TIGAR: variants seen among roughly 807,000 people sequenced by gnomAD.
TIGAR encodes the protein TP53 induced glycolysis regulatory phosphatase.
TIGAR carries 7 observed loss-of-function variants against 17.9 expected under a neutral mutation model. The observed-to-expected ratio is 0.39, with a 90% CI of 0.22 to 0.73. The LOEUF (loss-of-function observed/expected upper bound fraction) is 0.73, where lower values mean the gene tolerates loss of function less well. Ranked by LOEUF, TIGAR falls within the 30% of genes least tolerant of loss-of-function variation. The pLI, the probability that TIGAR is intolerant of heterozygous loss-of-function variation, is 0.42. For missense variants in TIGAR, 258 were observed against 327.4 expected (o/e 0.79, Z 1.64); for synonymous variants, 94 against 108.6 (o/e 0.87, Z 0.84).
Position 4,352,602 on chromosome 12 carries a change from T to C in TIGAR, c.724T>C (p.Phe242Leu). 1 of 1,612,536 alleles carries C rather than the reference T, an allele frequency of 6.2e-7. No homozygotes were observed. ...AGGGATGAGTCTCTTTATCATAAAC[T>C]TTGAGGAAGGAAGAGAAGTTAAACC... is the stretch of plus-strand genomic sequence containing the variant. ...NTGMSLFIIN[F>L]EEGREVKPTV... Residue 242 changes from phenylalanine to leucine, a missense_variant, in exon 6 of 6, where the codon TTT (phenylalanine) becomes CTT (leucine). By Grantham distance (22) the Phe-to-Leu change is conservative (BLOSUM62 0). Transcript: ENST00000179259.
At chr12:4,331,242 A>G in intron 1 of TIGAR, 38 bp from the exon 2 acceptor site, 5 of 1,569,338 alleles carry the variant, frequency 3.2e-6, no homozygotes, top group Non-Finnish European at 4.4e-6. Flanking sequence ...AAACAGTATA[A>G]TTTGGCTAAT....
At chr12:4,323,883 T>C (rs756862265) in intron 1 of TIGAR, among the ~76,000 whole-genome samples, 11 of 152,236 alleles carry the variant, frequency 7.2e-5, no homozygotes, top group Admixed American at 2.0e-4. Context: ...ACCTGGTGAT[T>C]CTTTCAGGAA....
rs766086479 is a variant in TIGAR, at chr12:4,357,011, TTTAG to T, written c.*4325_*4328del. ...TATTGCTTTTTAACTAAAAACCTGT[TTTAG>T]TTAGCATCTTTATTCTAATTTCTTT... On this transcript the variant is annotated 3_prime_UTR_variant, in exon 6 of 6. Transcript: ENST00000179259. Among the ~76,000 whole-genome samples the T allele has an allele frequency of 1.3e-5, 2 of 152,218 alleles. No homozygotes were observed. The highest frequency in any genetic ancestry group is 2.9e-5 in the Non-Finnish European group (2 of 68,032).
rs1247235828 is a variant in TIGAR, at chr12:4,359,106, T to TG, written c.*6416dup. On this transcript the variant is annotated 3_prime_UTR_variant, in exon 6 of 6. Transcript: ENST00000179259. ...GCCTTTATTGTTTATTTTCTGACTC[T>TG]GTTTTTTTTTTCTTTAGCCAACTCA... Among the ~76,000 whole-genome samples the TG allele has an allele frequency of 0.016, 115 of 7,006 alleles. No individual in the cohort carries two copies. Among genetic ancestry groups the TG allele is most frequent in the Middle Eastern group, 0.1 (1 of 10 alleles). 4.6% of individuals were successfully genotyped at this position (7,006 alleles called of 152,430 possible). A position where few individuals can be genotyped will look rare whatever the true frequency, so the allele number is the denominator to read the frequency against.
chr12:4,327,493 C>T (rs983806116), intron 1 of TIGAR, among the ~76,000 whole-genome samples: 1 of 151,802 alleles, frequency 6.6e-6, no homozygotes, highest in Non-Finnish European at 1.5e-5. Flanking sequence ...CTTATTAGGA[C>T]ATGTCTGAGC....
chr12:4,336,308 C>G (rs1431462148), intron 2 of TIGAR, among the ~76,000 whole-genome samples: 1 of 152,166 alleles, frequency 6.6e-6, no homozygotes, highest in African/African-American at 2.4e-5. Flanking sequence ...CCTCCTCTCC[C>G]AGCCCCACCA....
In TIGAR at chr12:4,351,393, G is replaced by A. The variant is rs1177846673; in HGVS notation, c.381+16G>A. 5.6e-6 allele frequency: 9 copies of A among 1,602,998 alleles called. No homozygotes were observed. The highest frequency in any genetic ancestry group is 7.7e-6 in the Non-Finnish European group (9 of 1,170,586). ...GCTGGACCAGGTATGTGGCGCTGCC[G>A]ATGTCAGAATGGTTGAATTAAGACT... On this transcript the variant is annotated intron_variant, in intron 5 of 5. Transcript: ENST00000179259.
intron 2 of TIGAR, among the ~76,000 whole-genome samples, chr12:4,336,132 T>G (rs2120664794): frequency 6.6e-6 from 1 of 152,374 alleles, no homozygotes; most frequent in Non-Finnish European, 1.5e-5. Context: ...TTATTTGTTC[T>G]AAATTAGTGG....
In TIGAR at chr12:4,359,999, AT is replaced by A. The variant is rs1180302370; in HGVS notation, c.*7309del. On this transcript the variant is annotated 3_prime_UTR_variant, in exon 6 of 6. Coordinates refer to ENST00000179259, the MANE Select transcript of TIGAR (RefSeq NM_020375.3). ...TCATTCATACAGCTTTCTTTGTGAA[AT>A]GTGTATTAAAATCTTATCCATTAAA... 6.6e-6 allele frequency among the ~76,000 whole-genome samples: 1 copy of A among 152,130 alleles called. No individual in the cohort carries two copies. The highest frequency in any genetic ancestry group is 2.4e-5 in the African/African-American group (1 of 41,420).
At chr12:4,349,927 C>T in intron 4 of TIGAR, 31 bp downstream of exon 4, 1 of 1,458,578 alleles carries the variant, frequency 6.9e-7, no homozygotes, top group Middle Eastern at 1.8e-4. Context: ...TTGTTCTTCC[C>T]CATAAATTAT....
Position 4,356,767 on chromosome 12 carries a change from CT to C in TIGAR, c.*4077del, listed in dbSNP as rs1864907162. ...CTTTCCCACCTTGTCTTGCCTGTTT[CT>C]GTTAGGTTTAGTCCGAGGCCTAGCA... On this transcript the variant is annotated 3_prime_UTR_variant, in exon 6 of 6. Transcript: ENST00000179259. Among the ~76,000 whole-genome samples the C allele has an allele frequency of 1.3e-5, 2 of 152,150 alleles. No individual in the cohort carries two copies. The highest frequency in any genetic ancestry group is 4.8e-5 in the African/African-American group (2 of 41,438).
intron 3 of TIGAR, among the ~76,000 whole-genome samples, chr12:4,341,259 A>G (rs879315722): frequency 8.4e-5 from 12 of 142,904 alleles, no homozygotes; most frequent in Non-Finnish European, 1.4e-4. Flanking sequence ...AAAAGAAGAC[A>G]TACAAATGAC....
chr12:4,324,998 A>G (rs1864528198), intron 1 of TIGAR, among the ~76,000 whole-genome samples: 1 of 147,320 alleles, frequency 6.8e-6, no homozygotes, highest in Non-Finnish European at 1.5e-5. Context: ...GTTGGAGTGC[A>G]ATGGCATGAT....
chr12:4,347,368 T>C (rs1304422955), intron 3 of TIGAR, among the ~76,000 whole-genome samples: 1 of 152,092 alleles, frequency 6.6e-6, no homozygotes, highest in Middle Eastern at 3.4e-3. Flanking sequence ...CTCATGGAGA[T>C]AGAGAGTAGA....
At chr12:4,346,113 C>T (rs2120683948) in intron 3 of TIGAR, among the ~76,000 whole-genome samples, 1 of 152,312 alleles carries the variant, frequency 6.6e-6, no homozygotes, top group Admixed American at 6.5e-5. Flanking sequence ...ACAACAGGTG[C>T]TGGAGAGGAT....
In TIGAR at chr12:4,337,048, T is replaced by C; in HGVS notation, c.80T>C (p.Val27Ala). 2 of 1,608,424 alleles carry C rather than the reference T, an allele frequency of 1.2e-6. No individual in the cohort carries two copies. Among genetic ancestry groups the C allele is most frequent in the Admixed American group, 1.7e-5 (1 of 59,982 alleles). Residue 27 changes from valine (V) to alanine (A), a missense_variant, in exon 3 of 6, where the codon GTA becomes GCA. By Grantham distance (64) the Val-to-Ala change is moderately conservative. Coordinates refer to ENST00000179259, the MANE Select transcript of TIGAR (RefSeq NM_020375.3). ...NKEKIIQGQG[V>A]DEPLSETGFK... ...TCTTAATATATCACAGGACAAGGAG[T>C]AGATGAACCTCTTTCAGAAACTGGA... is the stretch of plus-strand genomic sequence containing the variant.
Position 4,358,862 on chromosome 12 carries a change from A to G in TIGAR, c.*6171A>G, listed in dbSNP as rs1264119383. Among the ~76,000 whole-genome samples, 3 of 151,376 alleles carry G rather than the reference A, an allele frequency of 2.0e-5. No individual in the cohort carries two copies. Among genetic ancestry groups the G allele is most frequent in the East Asian group, 1.9e-4 (1 of 5,166 alleles). Reference sequence around the variant, plus strand: ...CCCTTCTTTTTTTCTCCCACCATCTATCTAACCAGATGAACTTTGTCTTTC... The same window carrying G: ...CCCTTCTTTTTTTCTCCCACCATCTGTCTAACCAGATGAACTTTGTCTTTC... On this transcript the variant is annotated 3_prime_UTR_variant, in exon 6 of 6. Coordinates refer to ENST00000179259, the MANE Select transcript of TIGAR (RefSeq NM_020375.3).
At chr12:4,324,713 G>C (rs1052370240) in intron 1 of TIGAR, 12 of 788,346 alleles carry the variant, frequency 1.5e-5, no homozygotes, top group Non-Finnish European at 2.4e-5. Context: ...AGCTGCGTCA[G>C]CTGCTCGCAG....
chr12:4,354,125 A>C lies in TIGAR; in HGVS notation c.*1434A>C, dbSNP rs187761737. The C allele has an allele frequency of 6.6e-6, 1 of 152,556 alleles. No homozygotes were observed. The highest frequency in any genetic ancestry group is 6.5e-5 in the Admixed American group (1 of 15,298). 9.5% of individuals were successfully genotyped at this position (152,556 alleles called of 1,614,324 possible). A position where few individuals can be genotyped will look rare whatever the true frequency, so the allele number is the denominator to read the frequency against. On this transcript the variant is annotated 3_prime_UTR_variant, in exon 6 of 6. Coordinates refer to ENST00000179259, the MANE Select transcript of TIGAR (RefSeq NM_020375.3). Reference sequence around the variant, plus strand: ...GGGTTAATACTAAAGTTGTCAGTTAAGGCTATAGTCACATATAGTCAAAAT... The same window carrying C: ...GGGTTAATACTAAAGTTGTCAGTTACGGCTATAGTCACATATAGTCAAAAT...
Sources: allele counts gnomAD v4.1 joint callset (sites outside exome capture counted in the v4.1 genomes callset), GRCh38; gene constraint gnomAD v4.1.1; transcripts MANE v1.5; gene names NCBI Gene and HGNC (gene_info 2026-07-23, HGNC 2026-07-21).